The following NFYC variants were observed in gnomAD, a reference collection of about 807,000 sequenced individuals.
NFYC encodes the protein CAAT box DNA-binding protein subunit C.
A neutral mutation model predicts 53.1 loss-of-function variants in NFYC; 25 were observed. The ratio of observed to expected loss-of-function variants is 0.47; its 90% CI spans 0.34 to 0.66. The LOEUF (loss-of-function observed/expected upper bound fraction) is 0.66, where lower values mean the gene tolerates loss of function less well. Ranked by LOEUF, NFYC falls within the 30% of genes least tolerant of loss-of-function variation. The probability of loss-of-function intolerance (pLI) is 0.01; values close to 1 mark genes in which losing one functional copy is unlikely to be tolerated. For synonymous variants in NFYC, 145 were observed against 152.6 expected (o/e 0.95, Z 0.37); for missense variants, 260 against 422.7 (o/e 0.62, Z 3.38).
chr1:40,757,956 AT>A lies in NFYC; in HGVS notation c.388-164del, dbSNP rs570450167. 144 of 686,754 alleles carry A rather than the reference AT, an allele frequency of 2.1e-4. No individual in the cohort carries two copies. The South Asian group carries it at 2.6e-3, about 12-fold the overall frequency. 42.5% of individuals were successfully genotyped at this position (686,754 alleles called of 1,614,324 possible). Reference sequence around the variant, plus strand: ...TCTGTTATTTTTAGTTTGATTTAGCATAACTGGTCTCTTTGAATTCCACTTT... The same window carrying A: ...TCTGTTATTTTTAGTTTGATTTAGCAAACTGGTCTCTTTGAATTCCACTTT... On this transcript the variant is annotated intron_variant, in intron 5 of 9. Transcript: ENST00000447388.
intron 7 of NFYC, among the ~76,000 whole-genome samples, chr1:40,763,642 C>T (rs570133812): frequency 6.6e-6 from 1 of 152,334 alleles, no homozygotes; most frequent in African/African-American, 2.4e-5. Flanking sequence ...CCATCACGCC[C>T]AGCCCTCAGT....
At chr1:40,697,976 T>C (rs1410963490) in intron 1 of NFYC, among the ~76,000 whole-genome samples, 2 of 152,250 alleles carry the variant, frequency 1.3e-5, no homozygotes, top group Non-Finnish European at 2.9e-5. Flanking sequence ...GAGAGCTTTC[T>C]ATTGTATAAA....
At chr1:40,736,851 G>A (rs1645051877) in intron 1 of NFYC, among the ~76,000 whole-genome samples, 2 of 148,978 alleles carry the variant, frequency 1.3e-5, no homozygotes, top group African/African-American at 4.9e-5. Flanking sequence ...AAAAGGCTGG[G>A]CGCGGTGGCT....
At chr1:40,734,340 C>CTTTATTTATTTATTTA (rs34100786) in intron 1 of NFYC, among the ~76,000 whole-genome samples, 14 of 146,662 alleles carry the variant, frequency 9.5e-5, no homozygotes, top group African/African-American at 3.0e-4. Context: ...ACTACGGTTG[C>CTTTATTTATTTATTTA]TTTATTTATT....
At chr1:40,730,201 T>C (rs867060941) in intron 1 of NFYC, among the ~76,000 whole-genome samples, 64 of 138,980 alleles carry the variant, frequency 4.6e-4, no homozygotes, top group Middle Eastern at 3.9e-3. Flanking sequence ...TTTTCTTTTT[T>C]TTTTTTTTTT....
intron 7 of NFYC, 36 bp downstream of exon 7, chr1:40,763,082 A>C: frequency 1.3e-6 from 2 of 1,505,562 alleles, no homozygotes; most frequent in East Asian, 4.8e-5. Flanking sequence ...TTACAACTTT[A>C]TAGAAGGAAA....
rs915325028 is a variant in NFYC, at chr1:40,770,513, C to A, written c.889-196C>A. ...CCTCTTCCCTGCCCACCACACACCC[C>A]CCCTCACACCGGGCTGGTGCCTCCT... On this transcript the variant is annotated intron_variant, in intron 9 of 9. Transcript: ENST00000447388. The surrounding 1 kb of genome is among the most constrained non-coding windows in gnomAD (Gnocchi z 5.3). 2.6e-6 allele frequency: 4 copies of A among 1,556,102 alleles called. No homozygotes were observed. Among genetic ancestry groups the A allele is most frequent in the Admixed American group, 1.9e-5 (1 of 51,292 alleles).
At position 40,763,472 on chromosome 1, in the gene NFYC, G is replaced by T. The variant is rs145040282; in HGVS notation, c.720+426G>T. 1,652 of 446,378 alleles carry T rather than the reference G, an allele frequency of 3.7e-3. 25 individuals carry two copies. Among genetic ancestry groups the T allele is most frequent in the African/African-American group, 0.029 (1,453 of 49,536 alleles). The allele number at this position is 446,378 out of a possible 1,614,324, so 27.7% of individuals were successfully genotyped here. ...AGCGATTCTCCTGCCTCAGCCTCCC[G>T]AGTAGCTGGGATTATAGGCACGTGC... is the stretch of plus-strand genomic sequence containing the variant. On this transcript the variant is annotated intron_variant, in intron 7 of 9. Transcript: ENST00000447388.
chr1:40,771,106 C>T lies in NFYC; in HGVS notation c.*278C>T. 1 of 486,302 alleles carries T rather than the reference C, an allele frequency of 2.1e-6. No individual in the cohort carries two copies. The highest frequency in any genetic ancestry group is 3.7e-6 in the Non-Finnish European group (1 of 273,828). 30.1% of individuals were successfully genotyped at this position (486,302 alleles called of 1,614,324 possible). A position where few individuals can be genotyped will look rare whatever the true frequency, so the allele number is the denominator to read the frequency against. On this transcript the variant is annotated 3_prime_UTR_variant, in exon 10 of 10. Transcript: ENST00000447388. ...GCTATGAAATTAAAATATTAAATAA[C>T]ATATTTATGGCATTTTCTTGAAGAG...
chr1:40,742,995 ATCTAACAGATTAAAAAGAAAAAAATTCC>A (rs1300442262), intron 2 of NFYC, among the ~76,000 whole-genome samples: 48 of 152,304 alleles, frequency 3.2e-4, no homozygotes, highest in African/African-American at 1.1e-3. Flanking sequence ...ACCTCACAAT[ATCTAACAGATTAAAAAGAAAAAAATTCC>A]TTATGTTTAA....
intron 6 of NFYC, among the ~76,000 whole-genome samples, chr1:40,759,293 G>A (rs1043398113): frequency 3.3e-5 from 5 of 151,640 alleles, no homozygotes; most frequent in African/African-American, 1.2e-4. Flanking sequence ...CCAGCACTTT[G>A]GGAGGCCGAG....
At chr1:40,751,712 A>T (rs974928223) in intron 4 of NFYC, among the ~76,000 whole-genome samples, 1 of 152,184 alleles carries the variant, frequency 6.6e-6, no homozygotes, top group Admixed American at 6.5e-5. Context: ...CAACTTAAGT[A>T]TATCTATGTT....
At chr1:40,715,945 T>C (rs1422272045) in intron 1 of NFYC, among the ~76,000 whole-genome samples, 4 of 152,372 alleles carry the variant, frequency 2.6e-5, no homozygotes, top group African/African-American at 9.6e-5. Context: ...TCCTTTCTTC[T>C]TGGAAGTACT....
chr1:40,733,019 C>CCTTTTT (rs35467973), intron 1 of NFYC, among the ~76,000 whole-genome samples: 1 of 103,192 alleles, frequency 9.7e-6, no homozygotes, highest in Non-Finnish European at 1.9e-5. Context: ...CCCCCCCCCC[C>CCTTTTT]TTTTTTTTTT....
chr1:40,731,319 C>T (rs561080491), intron 1 of NFYC, among the ~76,000 whole-genome samples: 29 of 151,018 alleles, frequency 1.9e-4, no homozygotes, highest in African/African-American at 4.6e-4. Flanking sequence ...GGATTACAGG[C>T]GCCTGCCACC....
Position 40,693,794 on chromosome 1 carries a change from A to G in NFYC, c.-9+1927A>G, listed in dbSNP as rs141983440. On this transcript the variant is annotated intron_variant, in intron 1 of 9. Coordinates refer to ENST00000447388, the MANE Select transcript of NFYC (RefSeq NM_014223.5). The stretch of plus-strand genomic sequence containing the variant: ...TAATGAAACTTCCAGATAATTTTGT[A>G]TTTCCAAGTGGATCATCTACTTTGA... 2.1e-3 allele frequency among the ~76,000 whole-genome samples: 318 copies of G among 152,364 alleles called. 3 individuals carry two copies. Among genetic ancestry groups the G allele is most frequent in the African/African-American group, 7.2e-3 (298 of 41,580 alleles).
intron 5 of NFYC, among the ~76,000 whole-genome samples, chr1:40,754,150 T>C (rs1646075779): frequency 6.6e-6 from 1 of 152,090 alleles, no homozygotes; most frequent in African/African-American, 2.4e-5. Flanking sequence ...TTTCATAGTA[T>C]ATTATCCTTA....
intron 2 of NFYC, among the ~76,000 whole-genome samples, chr1:40,745,445 C>G (rs551309283): frequency 3.8e-4 from 58 of 152,230 alleles, no homozygotes; most frequent in African/African-American, 9.6e-4. Flanking sequence ...GAAGGAAGAC[C>G]AGTGGTTGAT....
intron 1 of NFYC, among the ~76,000 whole-genome samples, chr1:40,737,840 G>A (rs1645122464): frequency 6.6e-6 from 1 of 151,926 alleles, no homozygotes; most frequent in African/African-American, 2.4e-5. Context: ...ATCATCAGGA[G>A]CCCCAGAGAA....
Sources: allele counts gnomAD v4.1 joint callset (sites outside exome capture counted in the v4.1 genomes callset), GRCh38; gene constraint gnomAD v4.1.1; non-coding constraint Gnocchi (gnomAD v3.1); transcripts MANE v1.5; gene names NCBI Gene and HGNC (gene_info 2026-07-23, HGNC 2026-07-21).